The following C4orf17 variants were observed in gnomAD, a reference collection of about 807,000 sequenced individuals.
The protein encoded by C4orf17 is uncharacterized protein C4orf17.
C4orf17 carries 25 observed loss-of-function variants against 32.0 expected under a neutral mutation model. The ratio of observed to expected loss-of-function variants is 0.78; its 90% CI spans 0.57 to 1.09. The LOEUF is 1.09. Ranked by LOEUF, C4orf17 falls within the 50% of genes least tolerant of loss-of-function variation. The pLI, the probability that C4orf17 is intolerant of heterozygous loss-of-function variation, is 0.00. For synonymous variants in C4orf17, 149 were observed against 145.8 expected (o/e 1.02, Z -0.16); for missense variants, 420 against 420.0 (o/e 1.00, Z 0.00).
At chr4:99,535,963 G>C (rs1215020841) in intron 5 of C4orf17, 1 of 450,034 alleles carries the variant, frequency 2.2e-6, no homozygotes, top group Non-Finnish European at 4.4e-6. Flanking sequence ...TCTTCTAACA[G>C]GCCACTCTTC....
At chr4:99,524,473 TTC>T (rs778763723) in intron 3 of C4orf17, 46 bp from the exon 4 acceptor site, 3 of 1,144,286 alleles carry the variant, frequency 2.6e-6, no homozygotes, top group Admixed American at 1.8e-5. Flanking sequence ...GTGATATAAA[TTC>T]TTTTTCAGTT....
chr4:99,542,146 G>T lies in C4orf17; in HGVS notation c.*37G>T. The T allele has an allele frequency of 1.3e-6, 2 of 1,531,428 alleles. No homozygotes were observed. Among genetic ancestry groups the T allele is most frequent in the Non-Finnish European group, 1.8e-6 (2 of 1,107,044 alleles). 94.9% of individuals were successfully genotyped at this position (1,531,428 alleles called of 1,614,324 possible). A position where few individuals can be genotyped will look rare whatever the true frequency, so the allele number is the denominator to read the frequency against. On this transcript the variant is annotated 3_prime_UTR_variant, in exon 9 of 9. Coordinates refer to ENST00000326581, the MANE Select transcript of C4orf17 (RefSeq NM_032149.3). ...TGGGTGAATTCTTTCATGAATATGA[G>T]CTTCACATTTACATCATCAAATTAT...
intron 2 of C4orf17, among the ~76,000 whole-genome samples, chr4:99,521,538 A>G (rs909145992): frequency 6.6e-6 from 1 of 152,220 alleles, no homozygotes; most frequent in Non-Finnish European, 1.5e-5. Flanking sequence ...ATAAAAGCAC[A>G]TAAGGGGACA....
At chr4:99,511,625 A>G (rs1723095426) in intron 1 of C4orf17, among the ~76,000 whole-genome samples, 1 of 152,176 alleles carries the variant, frequency 6.6e-6, no homozygotes, top group Non-Finnish European at 1.5e-5. Flanking sequence ...ATCTGGGACC[A>G]TGAATCCTAT....
rs764995177 is a variant in C4orf17 at position 99,522,688 on chromosome 4, G to A, written c.316G>A (p.Val106Met). ...GTCGCCAGCCCCAAACGGTGCCAAA[G>A]TGCCTCCACGGCCTCATTCTGGTGA... ...GMSPAPNGAK[V>M]PPRPHSEPSR... Residue 106 changes from valine to methionine, a missense_variant, in exon 3 of 9, where the codon GTG (valine) becomes ATG (methionine). Physicochemically the swap from Val to Met is conservative, Grantham distance 21. Coordinates refer to ENST00000326581, the MANE Select transcript of C4orf17 (RefSeq NM_032149.3). 13 of 1,613,698 alleles carry A rather than the reference G, an allele frequency of 8.1e-6. No individual in the cohort carries two copies. The highest frequency in any genetic ancestry group is 1.0e-5 in the Non-Finnish European group (12 of 1,179,886).
chr4:99,534,668 C>T (rs1397417851), intron 5 of C4orf17, among the ~76,000 whole-genome samples: 2 of 152,192 alleles, frequency 1.3e-5, no homozygotes, highest in South Asian at 2.1e-4. Context: ...TTAATAATCA[C>T]AATTCTGACT....
rs1416785368 is a variant in C4orf17 at position 99,524,574 on chromosome 4, G to A, written c.391G>A (p.Val131Ile). The change falls in exon 4 of 9, where the codon GTA becomes ATA. Residue 131 changes from valine (V) to isoleucine (I), a missense_variant. Physicochemically the swap from Val to Ile is conservative, Grantham distance 29 (BLOSUM62 3). Coordinates refer to ENST00000326581, the MANE Select transcript of C4orf17 (RefSeq NM_032149.3). ...CFKTSSENPL[V>I]IKKEEIKAKR... ...CAAAACTTCCAGTGAGAATCCCTTA[G>A]TAATTAAAAAGGTAAGGAACAGCTA... 6.3e-7 allele frequency: 1 copy of A among 1,596,966 alleles called. No homozygotes were observed. The highest frequency in any genetic ancestry group is 8.6e-7 in the Non-Finnish European group (1 of 1,166,622).
At chr4:99,535,537 A>G (rs1260982276) in intron 5 of C4orf17, among the ~76,000 whole-genome samples, 1 of 152,174 alleles carries the variant, frequency 6.6e-6, no homozygotes, top group Non-Finnish European at 1.5e-5. Context: ...TCTGCTATGA[A>G]TACTTACAAT....
Position 99,530,086 on chromosome 4 carries a change from T to A in C4orf17, c.546+128T>A, listed in dbSNP as rs866039096. On this transcript the variant is annotated intron_variant, in intron 5 of 8. Transcript: ENST00000326581. Reference sequence around the variant, plus strand: ...ATAACTGAATTGATTTAAGACTGCTTAGCCTGAAATCCAAGGCATACTCCT... The same window carrying A: ...ATAACTGAATTGATTTAAGACTGCTAAGCCTGAAATCCAAGGCATACTCCT... 14 of 699,656 alleles carry A rather than the reference T, an allele frequency of 2.0e-5. 1 individual carries two copies. The Middle Eastern group carries it at 3.8e-3, about 190-fold the overall frequency. 43.3% of individuals were successfully genotyped at this position (699,656 alleles called of 1,614,324 possible). A position where few individuals can be genotyped will look rare whatever the true frequency, so the allele number is the denominator to read the frequency against.
intron 7 of C4orf17, 23 bp from the exon 8 acceptor site, chr4:99,540,389 T>G: frequency 1.3e-6 from 2 of 1,598,570 alleles, no homozygotes; most frequent in Non-Finnish European, 1.7e-6. Context: ...AAATTCACTT[T>G]TTTCTTTCTC....
intron 5 of C4orf17, among the ~76,000 whole-genome samples, chr4:99,535,035 C>A (rs1723539440): frequency 6.6e-6 from 1 of 152,174 alleles, no homozygotes; most frequent in Non-Finnish European, 1.5e-5. Context: ...GTTGGAAACT[C>A]TTTTCTTTAA....
At chr4:99,537,020 C>T (rs1285534273) in intron 5 of C4orf17, among the ~76,000 whole-genome samples, 1 of 151,984 alleles carries the variant, frequency 6.6e-6, no homozygotes, top group Non-Finnish European at 1.5e-5. Flanking sequence ...ATAGAGGCTT[C>T]CCCAGTTGTC....
Position 99,513,050 on chromosome 4 carries a change from A to G in C4orf17, c.-32A>G. The G allele has an allele frequency of 6.2e-7, 1 of 1,612,792 alleles. No homozygotes were observed. The highest frequency in any genetic ancestry group is 1.1e-5 in the South Asian group (1 of 91,040). ...AGACCCCAAAAACTTTTGTGACAACAGTGAAGAGGGGAAAATAAACACACC... is the reference window on the plus strand; with the variant it reads ...AGACCCCAAAAACTTTTGTGACAACGGTGAAGAGGGGAAAATAAACACACC... On this transcript the variant is annotated 5_prime_UTR_variant, in exon 2 of 9. Transcript: ENST00000326581.
chr4:99,522,909 C>T (rs1578189727), intron 3 of C4orf17, among the ~76,000 whole-genome samples, 200 bp downstream of exon 3: 1 of 152,112 alleles, frequency 6.6e-6, no homozygotes, highest in East Asian at 1.9e-4. Context: ...ATGTTATTAC[C>T]ATTACTATTA....
At chr4:99,539,524 A>G (rs1413612076) in intron 7 of C4orf17, among the ~76,000 whole-genome samples, 154 bp downstream of exon 7, 1 of 152,228 alleles carries the variant, frequency 6.6e-6, no homozygotes. Flanking sequence ...TTTCATTTTC[A>G]TATATGTAAT....
chr4:99,524,487 A>C (rs1043967413), intron 3 of C4orf17, 34 bp from the exon 4 acceptor site: 1 of 1,310,820 alleles, frequency 7.6e-7, no homozygotes, highest in African/African-American at 1.5e-5. Context: ...TTTTCAGTTT[A>C]ATCTAAATAC....
intron 4 of C4orf17, among the ~76,000 whole-genome samples, chr4:99,528,958 A>G (rs140435517): frequency 6.6e-6 from 1 of 152,348 alleles, no homozygotes; most frequent in African/African-American, 2.4e-5. Flanking sequence ...GTCAGTTTCT[A>G]AGAGCTATCA....
At chr4:99,523,563 C>G (rs1183075520) in intron 3 of C4orf17, among the ~76,000 whole-genome samples, 1 of 152,150 alleles carries the variant, frequency 6.6e-6, no homozygotes, top group South Asian at 2.1e-4. Context: ...CTTATTTTCC[C>G]TTATTTCTTG....
chr4:99,515,743 C>T (rs531020239), intron 2 of C4orf17, among the ~76,000 whole-genome samples: 5 of 151,780 alleles, frequency 3.3e-5, no homozygotes, highest in Non-Finnish European at 7.4e-5. Context: ...CCAAAAATCA[C>T]CTGTGTCCCC....
Sources: allele counts gnomAD v4.1 joint callset (sites outside exome capture counted in the v4.1 genomes callset), GRCh38; gene constraint gnomAD v4.1.1; transcripts MANE v1.5; gene names NCBI Gene and HGNC (gene_info 2026-07-23, HGNC 2026-07-21).